The following CPNE2 variants were observed in gnomAD, a reference collection of about 807,000 sequenced individuals.
CPNE2 encodes the protein copine 2.
A neutral mutation model predicts 69.7 loss-of-function variants in CPNE2; 42 were observed. The ratio of observed to expected loss-of-function variants is 0.60; its 90% CI spans 0.47 to 0.78. The LOEUF is 0.78. CPNE2 is among the 30% of genes least tolerant of loss of function. The pLI, the probability that CPNE2 is intolerant of heterozygous loss-of-function variation, is 0.00. For missense variants in CPNE2, 587 were observed against 732.0 expected (o/e 0.80, Z 2.29); for synonymous variants, 294 against 289.8 (o/e 1.01, Z -0.15).
chr16:57,105,905 G>T (rs2069645142), intron 1 of CPNE2: 1 of 152,250 alleles, frequency 6.6e-6, no homozygotes, highest in Non-Finnish European at 1.5e-5. Context: ...CTGCCCCAGA[G>T]GTGTTTCCAT....
chr16:57,115,882 A>C (rs1327486406), intron 4 of CPNE2, among the ~76,000 whole-genome samples: 1 of 152,240 alleles, frequency 6.6e-6, no homozygotes, highest in Non-Finnish European at 1.5e-5. Flanking sequence ...TGCAATGCGC[A>C]ACGACTCCCG....
intron 10 of CPNE2, chr16:57,125,412 T>A: frequency 4.4e-6 from 2 of 453,388 alleles, no homozygotes; most frequent in Non-Finnish European, 8.9e-6. Flanking sequence ...ATGGCTTGGG[T>A]TGGGGGTGAG....
intron 11 of CPNE2, among the ~76,000 whole-genome samples, chr16:57,126,529 A>G (rs2069802658): frequency 6.6e-6 from 1 of 152,072 alleles, no homozygotes. Flanking sequence ...AAGTCAGTGA[A>G]GGGAAGCTGT....
rs1256805783 is a variant in CPNE2, at chr16:57,115,538, G to C, written c.423G>C (p.Lys141Asn). 6.2e-7 allele frequency: 1 copy of C among 1,611,754 alleles called. No homozygotes were observed. The highest frequency in any genetic ancestry group is 8.5e-7 in the Non-Finnish European group (1 of 1,178,822). Residue 141 changes from lysine to asparagine, a missense_variant, in exon 4 of 16, where the codon AAG becomes AAC. Lys to Asn is a moderately conservative substitution (Grantham distance 94). Coordinates refer to ENST00000290776, the MANE Select transcript of CPNE2 (RefSeq NM_152727.6). ...TGCTGAATGACAAGCCTGCGGGGAA[G>C]GGCTTGATTACGGTACCAGTCCCCT... Reference protein sequence around the residue: ...LLLLNDKPAGKGLITIAAQEL... With the variant: ...LLLLNDKPAGNGLITIAAQEL...
chr16:57,112,839 T>A (rs1320217753), intron 2 of CPNE2: 1 of 153,682 alleles, frequency 6.5e-6, no homozygotes, highest in Non-Finnish European at 1.4e-5. Context: ...ATGTAAAACA[T>A]GGTTTGAAAA....
At chr16:57,101,320 T>C (rs1268058623) in intron 1 of CPNE2, among the ~76,000 whole-genome samples, 1 of 152,262 alleles carries the variant, frequency 6.6e-6, no homozygotes, top group Non-Finnish European at 1.5e-5. Context: ...GCCATTTATC[T>C]TCCTGGATCT....
intron 1 of CPNE2, among the ~76,000 whole-genome samples, chr16:57,094,449 G>A (rs2069565504): frequency 6.6e-6 from 1 of 152,144 alleles, no homozygotes; most frequent in African/African-American, 2.4e-5. Flanking sequence ...GGGCATAAGG[G>A]AAGAAGATGG....
At chr16:57,106,461 G>T (rs1280317126) in intron 1 of CPNE2, among the ~76,000 whole-genome samples, 2 of 152,228 alleles carry the variant, frequency 1.3e-5, no homozygotes, top group African/African-American at 4.8e-5. Context: ...GGGGACAGAA[G>T]GAGGTGACCC....
intron 3 of CPNE2, among the ~76,000 whole-genome samples, chr16:57,113,684 C>G (rs1410003793): frequency 1.3e-5 from 2 of 152,200 alleles, no homozygotes; most frequent in African/African-American, 2.4e-5. Flanking sequence ...ATCTGGGGCC[C>G]CAGGTGGCCA....
intron 2 of CPNE2, 56 bp downstream of exon 2, chr16:57,110,978 G>T: frequency 1.3e-6 from 2 of 1,526,998 alleles, no homozygotes; most frequent in Non-Finnish European, 1.8e-6. Context: ...CTGCTGGGGA[G>T]GGGGAGTCTC....
At chr16:57,113,146 G>GGATA in intron 2 of CPNE2, 142 bp from the exon 3 acceptor site, 1 of 717,742 alleles carries the variant, frequency 1.4e-6, no homozygotes, top group African/African-American at 1.8e-5. Flanking sequence ...TGTGAGCTGG[G>GGATA]GATAGTGAGT....
rs761181103 is a variant in CPNE2 at position 57,137,285 on chromosome 16, G to T, written c.1302+3G>T. The T allele has an allele frequency of 6.2e-7, 1 of 1,613,936 alleles. No homozygotes were observed. The highest frequency in any genetic ancestry group is 1.7e-5 in the Admixed American group (1 of 60,022). ...CCACACAACAGCGGACGGCCACGGT[G>T]AGTAGGCAGCTGCAAGCCAGTCATG... On this transcript the variant is annotated splice_donor_region_variant and intron_variant, in intron 14 of 15. Transcript: ENST00000290776.
intron 3 of CPNE2, among the ~76,000 whole-genome samples, chr16:57,114,761 A>G (rs1232340391): frequency 1.3e-5 from 2 of 151,702 alleles, no homozygotes; most frequent in Non-Finnish European, 2.9e-5. Flanking sequence ...TGTTTTGATT[A>G]TTGCACCCTG....
intron 4 of CPNE2, among the ~76,000 whole-genome samples, chr16:57,116,358 C>T (rs1295812774): frequency 2.0e-5 from 3 of 152,160 alleles, no homozygotes; most frequent in Admixed American, 2.0e-4. Context: ...TCCCAAACAA[C>T]CTCCCCCAAC....
chr16:57,119,553 T>C lies in CPNE2; in HGVS notation c.592-8T>C, dbSNP rs1426758796. On this transcript the variant is annotated splice_polypyrimidine_tract_variant and splice_region_variant and intron_variant, in intron 6 of 15. Transcript: ENST00000290776. ...CCTGAGCTCACAGCATCCCTCTCTGTCCCACAGGTGATCAAGTACACACTG... is the reference window on the plus strand; with the variant it reads ...CCTGAGCTCACAGCATCCCTCTCTGCCCCACAGGTGATCAAGTACACACTG... The C allele has an allele frequency of 1.6e-5, 25 of 1,610,244 alleles. No homozygotes were observed. Among genetic ancestry groups the C allele is most frequent in the Non-Finnish European group, 2.1e-5 (25 of 1,177,832 alleles).
intron 1 of CPNE2, among the ~76,000 whole-genome samples, chr16:57,099,775 A>ATTTTTTTT (rs776284229): frequency 9.9e-6 from 1 of 101,410 alleles, no homozygotes; most frequent in Non-Finnish European, 2.0e-5. Flanking sequence ...CTAATTTTTG[A>ATTTTTTTT]TTTTTTTTTT....
intron 1 of CPNE2, among the ~76,000 whole-genome samples, chr16:57,098,026 C>G (rs540639600): frequency 6.6e-6 from 1 of 151,726 alleles, no homozygotes; most frequent in Admixed American, 6.6e-5. Context: ...CCTGCTAGGT[C>G]AGCCCCTATA....
chr16:57,102,983 T>C (rs1391234400), intron 1 of CPNE2, among the ~76,000 whole-genome samples: 2 of 152,180 alleles, frequency 1.3e-5, no homozygotes, highest in Admixed American at 1.3e-4. Flanking sequence ...TACTTTCCCC[T>C]CTTCCCCAGA....
At chr16:57,127,951 G>A (rs2069812262) in intron 12 of CPNE2, 48 bp downstream of exon 12, 1 of 1,586,604 alleles carries the variant, frequency 6.3e-7, no homozygotes, top group African/African-American at 1.3e-5. Flanking sequence ...TGGGGTTTGT[G>A]TGTGTGGCCT....
Sources: allele counts gnomAD v4.1 joint callset (sites outside exome capture counted in the v4.1 genomes callset), GRCh38; gene constraint gnomAD v4.1.1; transcripts MANE v1.5; gene names NCBI Gene and HGNC (gene_info 2026-07-23, HGNC 2026-07-21).